PTPN14: variants seen among roughly 807,000 people sequenced by gnomAD.
PTPN14 encodes tyrosine-protein phosphatase non-receptor type 14.
PTPN14 carries 53 observed loss-of-function variants against 126.8 expected under a neutral mutation model. The observed-to-expected ratio is 0.42, with a 90% CI of 0.34 to 0.53. The LOEUF is 0.53. PTPN14 is among the 20% of genes least tolerant of loss of function. PTPN14 has a pLI of 0.08. For missense variants in PTPN14, 1,257 were observed against 1,552.9 expected (o/e 0.81, Z 3.20); for synonymous variants, 630 against 599.3 (o/e 1.05, Z -0.75).
intron 1 of PTPN14, among the ~76,000 whole-genome samples, chr1:214,516,338 T>C (rs1571638647): frequency 6.6e-6 from 1 of 152,226 alleles, no homozygotes; most frequent in Admixed American, 6.5e-5. Context: ...GTACCATATA[T>C]GAATTGAAAA....
At position 214,357,925 on chromosome 1, in the gene PTPN14, A is replaced by T. The variant is rs1301947859; in HGVS notation, c.3561T>A (p.Ile1187=). Residue 1187 remains isoleucine (I), a synonymous_variant, in exon 19 of 19, where the codon ATT becomes ATA. Transcript: ENST00000366956. ...LIQFLQNSRL[I] ...TCCAGGAGCTGGATTGGGGTGATTAAATGAGTCTGGAGTTTTGGAGGAACT... is the reference window on the plus strand; with the variant it reads ...TCCAGGAGCTGGATTGGGGTGATTATATGAGTCTGGAGTTTTGGAGGAACT... 6.2e-7 allele frequency: 1 copy of T among 1,612,392 alleles called. No homozygotes were observed. The highest frequency in any genetic ancestry group is 2.2e-5 in the East Asian group (1 of 44,862).
At chr1:214,465,951 C>CTTTTTTTCTTTTTTTTT (rs1660625573) in intron 1 of PTPN14, among the ~76,000 whole-genome samples, 1 of 59,024 alleles carries the variant, frequency 1.7e-5, no homozygotes, top group Non-Finnish European at 2.9e-5. Context: ...CAGTTACTTC[C>CTTTTTTTCTTTTTTTTT]TTTTTTTTTT....
chr1:214,471,653 C>CA (rs1246131074), intron 1 of PTPN14, among the ~76,000 whole-genome samples: 1 of 152,146 alleles, frequency 6.6e-6, no homozygotes, highest in East Asian at 1.9e-4. Flanking sequence ...GGTGGCAAAG[C>CA]ATAGAGTTTA....
At chr1:214,438,875 A>G (rs1346294727) in intron 3 of PTPN14, among the ~76,000 whole-genome samples, 3 of 152,200 alleles carry the variant, frequency 2.0e-5, no homozygotes, top group Non-Finnish European at 4.4e-5. Flanking sequence ...AAGACCTACT[A>G]TATGCTAAGC....
intron 5 of PTPN14, among the ~76,000 whole-genome samples, chr1:214,408,228 C>A (rs1659214669): frequency 1.3e-5 from 2 of 152,206 alleles, no homozygotes; most frequent in African/African-American, 4.8e-5. Context: ...TATATAATTT[C>A]ATCCCCTGGG....
At chr1:214,415,716 T>C (rs762705926) in intron 3 of PTPN14, among the ~76,000 whole-genome samples, 1 of 152,112 alleles carries the variant, frequency 6.6e-6, no homozygotes, top group South Asian at 2.1e-4. Flanking sequence ...CATCAGTCAA[T>C]CCAATGCCTG....
chr1:214,373,458 C>T (rs1452921878), intron 15 of PTPN14, among the ~76,000 whole-genome samples: 2 of 151,994 alleles, frequency 1.3e-5, no homozygotes, highest in Admixed American at 6.6e-5. Flanking sequence ...ACATGTATAA[C>T]TTAGGATTTA....
chr1:214,416,782 C>T (rs555671789), intron 3 of PTPN14, among the ~76,000 whole-genome samples: 42 of 152,116 alleles, frequency 2.8e-4, no homozygotes, highest in Non-Finnish European at 4.6e-4. Context: ...AATTGTTTGG[C>T]TGGTACAATT....
chr1:214,548,532 G>C (rs1656027820), intron 1 of PTPN14, among the ~76,000 whole-genome samples: 1 of 152,124 alleles, frequency 6.6e-6, no homozygotes, highest in South Asian at 2.1e-4. Flanking sequence ...TCACAGCACT[G>C]TTCTCAGGCT....
chr1:214,461,652 T>G (rs1397054908), intron 2 of PTPN14, among the ~76,000 whole-genome samples: 2 of 149,962 alleles, frequency 1.3e-5, no homozygotes. Context: ...AAAAAAAGAT[T>G]AAATATATTT....
intron 1 of PTPN14, among the ~76,000 whole-genome samples, chr1:214,511,514 A>T (rs1654973248): frequency 6.6e-6 from 1 of 152,122 alleles, no homozygotes; most frequent in South Asian, 2.1e-4. Flanking sequence ...AAGAAAAGAA[A>T]ATAACAAGTG....
At chr1:214,365,618 T>C (rs1003106073) in intron 17 of PTPN14, among the ~76,000 whole-genome samples, 5 of 152,158 alleles carry the variant, frequency 3.3e-5, no homozygotes, top group Non-Finnish European at 7.3e-5. Context: ...GTTTACATTG[T>C]TGAAGAGAAA....
chr1:214,450,403 T>G (rs923333854), intron 3 of PTPN14, among the ~76,000 whole-genome samples: 1 of 148,658 alleles, frequency 6.7e-6, no homozygotes, highest in Middle Eastern at 3.2e-3. Flanking sequence ...ACCTGGGAGG[T>G]GGAGGCTGCA....
intron 18 of PTPN14, among the ~76,000 whole-genome samples, chr1:214,360,879 T>C (rs1021527135): frequency 6.6e-6 from 1 of 152,200 alleles, no homozygotes; most frequent in African/African-American, 2.4e-5. Flanking sequence ...TGGGAGGTGA[T>C]TGGAACATGG....
chr1:214,419,825 T>C (rs567077576), intron 3 of PTPN14, among the ~76,000 whole-genome samples: 2 of 152,208 alleles, frequency 1.3e-5, no homozygotes, highest in Admixed American at 1.3e-4. Flanking sequence ...CCAGCGGGTG[T>C]TCACAGCTGT....
At position 214,478,423 on chromosome 1, in the gene PTPN14, T is replaced by G. The variant is rs533773619; in HGVS notation, c.-154-13466A>C. ...ACCAGTTACCTTGTGTATGTTTAGG[T>G]TTATATGAGCTTGGAGAAAACCAGG... On this transcript the variant is annotated intron_variant, in intron 1 of 18. Transcript: ENST00000366956. Among the ~76,000 whole-genome samples the G allele has an allele frequency of 2.6e-5, 4 of 152,172 alleles. 1 individual carries two copies. Among genetic ancestry groups the G allele is most frequent in the Non-Finnish European group, 4.4e-5 (3 of 68,030 alleles).
At chr1:214,367,630 G>A (rs374869199) in intron 17 of PTPN14, among the ~76,000 whole-genome samples, 1 of 152,194 alleles carries the variant, frequency 6.6e-6, no homozygotes, top group Non-Finnish European at 1.5e-5. Flanking sequence ...GTCAACAACA[G>A]AGCAGGCACA....
At chr1:214,450,419 C>T (rs557549799) in intron 3 of PTPN14, among the ~76,000 whole-genome samples, 67 of 151,276 alleles carry the variant, frequency 4.4e-4, no homozygotes, top group Non-Finnish European at 8.2e-4. Flanking sequence ...CTGCAGTAAG[C>T]CAAGATCGTG....
intron 13 of PTPN14, among the ~76,000 whole-genome samples, chr1:214,382,026 CTGAG>C (rs1658484234): frequency 6.6e-6 from 1 of 151,690 alleles, no homozygotes. Context: ...TGCCTCCCTC[CTGAG>C]TAACTGGGAT....
Sources: allele counts gnomAD v4.1 joint callset (sites outside exome capture counted in the v4.1 genomes callset), GRCh38; gene constraint gnomAD v4.1.1; transcripts MANE v1.5; gene names NCBI Gene and HGNC (gene_info 2026-07-23, HGNC 2026-07-21).